The following LPP variants were observed in gnomAD, a reference collection of about 807,000 sequenced individuals.
LPP encodes the protein LIM domain containing preferred translocation partner in lipoma.
Under a neutral mutation model 60.4 loss-of-function variants are expected in LPP, and 38 were observed. The observed-to-expected ratio is 0.63, with a 90% CI of 0.49 to 0.83. The LOEUF (loss-of-function observed/expected upper bound fraction) is 0.83. LPP is among the 40% of genes least tolerant of loss of function. The probability of loss-of-function intolerance (pLI) is 0.00; values close to 1 mark genes in which losing one functional copy is unlikely to be tolerated. For missense variants in LPP, 902 were observed against 783.6 expected (o/e 1.15, Z -1.80); for synonymous variants, 328 against 290.8 (o/e 1.13, Z -1.30).
chr3:188,768,090 A>G (rs1734723035), intron 9 of LPP, among the ~76,000 whole-genome samples: 3 of 152,286 alleles, frequency 2.0e-5, no homozygotes, highest in African/African-American at 7.2e-5. Context: ...ATTTTATATG[A>G]GAGACTATGT....
At chr3:188,341,147 T>A (rs948249855) in intron 2 of LPP, among the ~76,000 whole-genome samples, 2 of 152,228 alleles carry the variant, frequency 1.3e-5, no homozygotes, top group Non-Finnish European at 2.9e-5. Flanking sequence ...TTTTATTTTA[T>A]TTTCTCTCTC....
At position 188,410,929 on chromosome 3, in the gene LPP, A is replaced by G. The variant is rs1372582410; in HGVS notation, c.193+4616A>G. Among the ~76,000 whole-genome samples the G allele has an allele frequency of 3.3e-5, 5 of 152,106 alleles. No homozygotes were observed. In the East Asian group the frequency reaches 9.7e-4, roughly 29 times the overall value. On this transcript the variant is annotated intron_variant, in intron 4 of 11. Transcript: ENST00000617246. ...CCCCAAAGTCCATTATATCATTCTT[A>G]TGCCTTTGCATCCTCATAGCTTAGC... is the stretch of plus-strand genomic sequence containing the variant.
At chr3:188,513,265 C>G (rs1006324512) in intron 5 of LPP, among the ~76,000 whole-genome samples, 3 of 152,190 alleles carry the variant, frequency 2.0e-5, no homozygotes, top group Admixed American at 1.3e-4. Context: ...TGTGGACTAA[C>G]TGGTAAGGTG....
At chr3:188,206,488 G>C (rs1733257655) in intron 1 of LPP, among the ~76,000 whole-genome samples, 1 of 152,180 alleles carries the variant, frequency 6.6e-6, no homozygotes, top group South Asian at 2.1e-4. Flanking sequence ...TATAACTCTT[G>C]AGTGTTCACT....
intron 8 of LPP, among the ~76,000 whole-genome samples, chr3:188,729,745 G>A (rs1277867137): frequency 2.0e-5 from 3 of 152,038 alleles, no homozygotes; most frequent in African/African-American, 7.2e-5. Flanking sequence ...GGGAGGCCAA[G>A]GTGGGAGGAT....
chr3:188,886,706 G>A lies in LPP; in HGVS notation c.*12227G>A, dbSNP rs961656574. 9.5e-6 allele frequency: 2 copies of A among 209,536 alleles called. No individual in the cohort carries two copies. The highest frequency in any genetic ancestry group is 6.9e-5 in the East Asian group (1 of 14,598). The allele number at this position is 209,536 out of a possible 1,614,324, so 13.0% of individuals were successfully genotyped here. On this transcript the variant is annotated 3_prime_UTR_variant, in exon 12 of 12. Transcript: ENST00000617246. ...TCCCATATTTAGGGATCATACAATT[G>A]TATTGTCTTCAAAACACACACACAC...
intron 11 of LPP, 113 bp downstream of exon 11, chr3:188,872,876 T>TA: frequency 1.5e-6 from 2 of 1,349,406 alleles, no homozygotes; most frequent in Non-Finnish European, 2.0e-6. Context: ...TTAGTGCCTG[T>TA]ACTCATAGGA....
At chr3:188,565,432 A>G (rs1831899880) in intron 6 of LPP, among the ~76,000 whole-genome samples, 1 of 151,954 alleles carries the variant, frequency 6.6e-6, no homozygotes, top group Admixed American at 6.6e-5. Context: ...TGGTCTGTAG[A>G]CCAATGTTCC....
intron 6 of LPP, chr3:188,554,167 A>T (rs1828907849): frequency 6.6e-6 from 1 of 151,968 alleles, no homozygotes; most frequent in Non-Finnish European, 1.5e-5. Flanking sequence ...AAAAAGAAAG[A>T]TTTTCTGGAA....
intron 9 of LPP, among the ~76,000 whole-genome samples, chr3:188,828,258 T>C (rs1199844956): frequency 6.6e-6 from 1 of 151,740 alleles, no homozygotes; most frequent in Non-Finnish European, 1.5e-5. Context: ...AAGGGAGTGC[T>C]GGGGGAGAAG....
At chr3:188,674,776 C>T (rs1367920978) in intron 7 of LPP, among the ~76,000 whole-genome samples, 1 of 152,174 alleles carries the variant, frequency 6.6e-6, no homozygotes, top group African/African-American at 2.4e-5. Context: ...CAAAGCTAAA[C>T]TTTGAACCTA....
At chr3:188,791,678 G>C (rs1041583391) in intron 9 of LPP, among the ~76,000 whole-genome samples, 4 of 151,998 alleles carry the variant, frequency 2.6e-5, no homozygotes, top group African/African-American at 9.7e-5. Flanking sequence ...CTCGTCTTGG[G>C]CTTTTGCCTG....
chr3:188,544,559 A>G (rs1323143208), intron 6 of LPP, among the ~76,000 whole-genome samples: 8 of 145,742 alleles, frequency 5.5e-5, no homozygotes, highest in African/African-American at 2.1e-4. Flanking sequence ...ATGAGATATC[A>G]TCTCACACCA....
At chr3:188,410,888 A>G (rs1784740880) in intron 4 of LPP, among the ~76,000 whole-genome samples, 1 of 152,030 alleles carries the variant, frequency 6.6e-6, no homozygotes, top group Non-Finnish European at 1.5e-5. Flanking sequence ...CATCCTTCCC[A>G]TCCTTCACCC....
intron 2 of LPP, among the ~76,000 whole-genome samples, chr3:188,273,813 C>T (rs1738700533): frequency 6.6e-6 from 1 of 151,942 alleles, no homozygotes; most frequent in South Asian, 2.1e-4. Flanking sequence ...CCAGACTGGT[C>T]TCAAACTCTT....
At chr3:188,362,172 A>G (rs912054656) in intron 3 of LPP, among the ~76,000 whole-genome samples, 5 of 152,206 alleles carry the variant, frequency 3.3e-5, no homozygotes, top group African/African-American at 1.2e-4. Context: ...GACTAAAAGG[A>G]TGTCCGCAAA....
intron 4 of LPP, among the ~76,000 whole-genome samples, chr3:188,422,572 T>G (rs1216594992): frequency 6.6e-6 from 1 of 152,138 alleles, no homozygotes; most frequent in Non-Finnish European, 1.5e-5. Context: ...AGAGATGAGA[T>G]TGTGACTAGG....
At chr3:188,703,593 TTCAGAAATACTGAAAGAAATGGTCTC>T (rs1173781647) in intron 7 of LPP, among the ~76,000 whole-genome samples, 1 of 152,042 alleles carries the variant, frequency 6.6e-6, no homozygotes, top group Non-Finnish European at 1.5e-5. Flanking sequence ...CCAAATAAAC[TTCAGAAATACTGAAAGAAATGGTCTC>T]TCAGAATCTT....
chr3:188,423,355 T>C (rs1370036008), intron 4 of LPP, among the ~76,000 whole-genome samples: 1 of 152,242 alleles, frequency 6.6e-6, no homozygotes, highest in Non-Finnish European at 1.5e-5. Flanking sequence ...TTGTTGGGCA[T>C]TTGGATTGGT....
Sources: allele counts gnomAD v4.1 joint callset (sites outside exome capture counted in the v4.1 genomes callset), GRCh38; gene constraint gnomAD v4.1.1; transcripts MANE v1.5; gene names NCBI Gene and HGNC (gene_info 2026-07-23, HGNC 2026-07-21).